Variants in ABCG2 observed in about 807,000 individuals in gnomAD.
ABCG2 encodes the protein ATP binding cassette subfamily G member 2 (JR blood group), also known as broad substrate specificity ATP-binding cassette transporter ABCG2.
Under a neutral mutation model 73.5 loss-of-function variants are expected in ABCG2, and 80 were observed. The ratio of observed to expected loss-of-function variants is 1.09; its 90% CI spans 0.91 to 1.31. ABCG2 has a LOEUF of 1.31. ABCG2 is among the 50% of genes most tolerant of loss of function. ABCG2 has a pLI of 0.00. For missense variants in ABCG2, 796 were observed against 786.2 expected (o/e 1.01, Z -0.15); for synonymous variants, 269 against 282.4 (o/e 0.95, Z 0.48).
At chr4:88,221,731 C>T (rs1274993371) in intron 1 of ABCG2, among the ~76,000 whole-genome samples, 3 of 152,050 alleles carry the variant, frequency 2.0e-5, no homozygotes. Flanking sequence ...GAACTTTGAA[C>T]TTGAGAGGGA....
chr4:88,197,393 A>G (rs11097183), intron 1 of ABCG2, among the ~76,000 whole-genome samples: 8,789 of 152,160 alleles, frequency 0.058, 295 homozygotes, highest in South Asian at 0.076. Context: ...AGGTGGAAGG[A>G]CTGCTTGAGT....
upstream of ABCG2, among the ~76,000 whole-genome samples, chr4:88,160,892 T>G (rs898254458): frequency 2.7e-5 from 4 of 146,602 alleles, no homozygotes; most frequent in African/African-American, 1.0e-4. Flanking sequence ...AGAAAATTGC[T>G]GGGCAAGGAG....
At chr4:88,119,616 G>GTTT (rs3061271) in intron 6 of ABCG2, among the ~76,000 whole-genome samples, 30,132 of 152,096 alleles carry the variant, frequency 0.2, 3,962 homozygotes, top group Non-Finnish European at 0.29. Context: ...CTCTTGCTAT[G>GTTT]TTTTAGCAAA....
intron 3 of ABCG2, 69 bp from the exon 4 acceptor site, chr4:88,131,986 T>C (rs956092402): frequency 8.9e-7 from 1 of 1,120,754 alleles, no homozygotes; most frequent in Non-Finnish European, 1.3e-6. Context: ...GGGGTTTTTT[T>C]CCCTCCAACA....
chr4:88,194,952 C>T (rs1055379702), intron 1 of ABCG2, among the ~76,000 whole-genome samples: 1 of 152,150 alleles, frequency 6.6e-6, no homozygotes, highest in African/African-American at 2.4e-5. Flanking sequence ...AAAAATGACC[C>T]AACTGGTCTA....
intron 1 of ABCG2, among the ~76,000 whole-genome samples, chr4:88,230,137 CGT>C (rs1730395391): frequency 6.7e-6 from 1 of 149,462 alleles, no homozygotes; most frequent in Non-Finnish European, 1.5e-5. Flanking sequence ...GGATTACAGG[CGT>C]GTGACACCAC....
intron 5 of ABCG2, among the ~76,000 whole-genome samples, chr4:88,130,755 C>T (rs557678307): frequency 3.3e-5 from 5 of 152,172 alleles, no homozygotes; most frequent in African/African-American, 7.2e-5. Flanking sequence ...AGTGCAGACA[C>T]GGAATGAGAC....
intron 1 of ABCG2, among the ~76,000 whole-genome samples, chr4:88,179,081 C>T (rs2110098649): frequency 6.6e-6 from 1 of 152,234 alleles, no homozygotes. Context: ...TACCATGGGC[C>T]TTAGGCAACA....
chr4:88,098,842 C>T (rs539738537), intron 12 of ABCG2, among the ~76,000 whole-genome samples: 30 of 152,208 alleles, frequency 2.0e-4, no homozygotes, highest in African/African-American at 4.6e-4. Context: ...TGGGCACATC[C>T]GCTCATTCCT....
At chr4:88,215,022 G>A (rs144173845) in intron 1 of ABCG2, among the ~76,000 whole-genome samples, 81 of 152,208 alleles carry the variant, frequency 5.3e-4, no homozygotes, top group African/African-American at 1.7e-3. Context: ...AGCCCAGGAC[G>A]TTGAGGTTTC....
At chr4:88,211,190 C>A (rs954121502) in intron 1 of ABCG2, among the ~76,000 whole-genome samples, 1 of 151,948 alleles carries the variant, frequency 6.6e-6, no homozygotes, top group Non-Finnish European at 1.5e-5. Context: ...GGGGACTTAA[C>A]AAAAGCCACT....
At chr4:88,146,630 G>T (rs2110065675) in intron 1 of ABCG2, among the ~76,000 whole-genome samples, 1 of 152,224 alleles carries the variant, frequency 6.6e-6, no homozygotes, top group Non-Finnish European at 1.5e-5. Context: ...CCAACCTCAG[G>T]TGATCCACCT....
At chr4:88,101,705 G>A (rs1722435203) in intron 10 of ABCG2, among the ~76,000 whole-genome samples, 1 of 152,184 alleles carries the variant, frequency 6.6e-6, no homozygotes. Flanking sequence ...GTCCTAATAG[G>A]AAGAGACACC....
chr4:88,103,019 T>C (rs1204252295), intron 10 of ABCG2, among the ~76,000 whole-genome samples: 2 of 152,008 alleles, frequency 1.3e-5, no homozygotes, highest in Non-Finnish European at 1.5e-5. Flanking sequence ...CCTCAAGCAA[T>C]CCTCCCAGCT....
chr4:88,194,549 CAAAAAAAAAAAAAAAAA>C (rs58945293), intron 1 of ABCG2, among the ~76,000 whole-genome samples: 4 of 52,590 alleles, frequency 7.6e-5, no homozygotes, highest in Non-Finnish European at 9.3e-5. Context: ...GACTCCGTCT[CAAAAAAAAAAAAAAAAA>C]AAAAAAAAAA....
rs1207813399 is a variant in ABCG2, at chr4:88,147,122, A to G, written c.-19-7108T>C. On this transcript the variant is annotated intron_variant, in intron 1 of 15. Coordinates refer to ENST00000237612, the MANE Select transcript of ABCG2 (RefSeq NM_004827.3). ...AGAGAAAAGGAAGGAAAGAAAGTAA[A>G]AAAGAAAACTAAAAGAATCCATTGA... is the stretch of plus-strand genomic sequence containing the variant. Among the ~76,000 whole-genome samples the G allele has an allele frequency of 2.0e-5, 3 of 152,260 alleles. No homozygotes were observed. In the East Asian group the frequency reaches 5.8e-4, roughly 29 times the overall value.
At chr4:88,188,043 C>T (rs1330082325) in intron 1 of ABCG2, among the ~76,000 whole-genome samples, 4 of 152,156 alleles carry the variant, frequency 2.6e-5, no homozygotes, top group East Asian at 3.8e-4. Flanking sequence ...GTGTCATAGC[C>T]TAAAAAGCAC....
chr4:88,201,847 C>T (rs1191378189), intron 1 of ABCG2: 1 of 152,088 alleles, frequency 6.6e-6, no homozygotes, highest in Non-Finnish European at 1.5e-5. Context: ...AATCTTGTGC[C>T]TCAGCATAAG....
At chr4:88,206,764 T>C (rs1205696533) in intron 1 of ABCG2, among the ~76,000 whole-genome samples, 7 of 152,246 alleles carry the variant, frequency 4.6e-5, no homozygotes, top group Non-Finnish European at 4.4e-5. Context: ...GGTCTCGTCT[T>C]CCTTTGAGCT....
Sources: allele counts gnomAD v4.1 joint callset (sites outside exome capture counted in the v4.1 genomes callset), GRCh38; gene constraint gnomAD v4.1.1; transcripts MANE v1.5; gene names NCBI Gene and HGNC (gene_info 2026-07-23, HGNC 2026-07-21).